MAP3K9: variants seen among roughly 807,000 people sequenced by gnomAD.
The protein encoded by MAP3K9 is mitogen-activated protein kinase kinase kinase 9, also known as mixed lineage kinase 1 (tyr and ser/thr specificity).
In MAP3K9, 46 loss-of-function variants were observed where a neutral mutation model predicts 95.8. The observed-to-expected ratio is 0.48, with a 90% CI of 0.38 to 0.61. MAP3K9 has a LOEUF of 0.61. Ranked by LOEUF, MAP3K9 falls within the 20% of genes least tolerant of loss-of-function variation. The pLI, the probability that MAP3K9 is intolerant of heterozygous loss-of-function variation, is 0.00. For missense variants in MAP3K9, 1,296 were observed against 1,474.3 expected (o/e 0.88, Z 1.98); for synonymous variants, 533 against 593.8 (o/e 0.90, Z 1.49).
chr14:70,785,168 C>G (rs1407818627), intron 2 of MAP3K9, among the ~76,000 whole-genome samples: 1 of 152,188 alleles, frequency 6.6e-6, no homozygotes, highest in Non-Finnish European at 1.5e-5. Flanking sequence ...CTCCCTGAGC[C>G]TCAGCTTCCT....
chr14:70,804,140 A>G (rs1238268375), intron 1 of MAP3K9, among the ~76,000 whole-genome samples: 1 of 152,182 alleles, frequency 6.6e-6, no homozygotes, highest in Non-Finnish European at 1.5e-5. Context: ...CTGATTCTGT[A>G]TGTTCCCAAT....
chr14:70,761,319 G>A (rs2054371752), intron 2 of MAP3K9, 137 bp from the exon 3 acceptor site: 1 of 689,666 alleles, frequency 1.4e-6, no homozygotes, highest in East Asian at 2.7e-5. Flanking sequence ...GATGGTCAGA[G>A]CCATCATTTC....
chr14:70,798,261 A>G (rs939597967), intron 2 of MAP3K9, among the ~76,000 whole-genome samples: 1 of 152,250 alleles, frequency 6.6e-6, no homozygotes, highest in African/African-American at 2.4e-5. Context: ...AACTTCATCA[A>G]GTAAACTATT....
At chr14:70,737,529 C>T (rs1021762227) in intron 8 of MAP3K9, among the ~76,000 whole-genome samples, 1 of 152,198 alleles carries the variant, frequency 6.6e-6, no homozygotes, top group African/African-American at 2.4e-5. Flanking sequence ...CACAAGCACA[C>T]TCCAGGCTCT....
At chr14:70,785,655 G>A (rs113301676) in intron 2 of MAP3K9, among the ~76,000 whole-genome samples, 103 of 152,224 alleles carry the variant, frequency 6.8e-4, no homozygotes, top group African/African-American at 1.7e-3. Context: ...TCAGAGGATC[G>A]TCTGCTTTGG....
chr14:70,764,998 A>G (rs1459858378), intron 2 of MAP3K9, among the ~76,000 whole-genome samples: 1 of 152,208 alleles, frequency 6.6e-6, no homozygotes, highest in Non-Finnish European at 1.5e-5. Context: ...AAAGTTAAAA[A>G]GTTACAGTAA....
At chr14:70,783,931 C>A (rs180975761) in intron 2 of MAP3K9, among the ~76,000 whole-genome samples, 8 of 152,316 alleles carry the variant, frequency 5.3e-5, no homozygotes, top group Admixed American at 4.6e-4. Context: ...TTTTTAAATT[C>A]CATAAACAAT....
intron 2 of MAP3K9, among the ~76,000 whole-genome samples, chr14:70,774,510 A>G (rs1272186940): frequency 6.6e-6 from 1 of 151,820 alleles, no homozygotes. Context: ...TAAAAATACA[A>G]AAATTAGCCA....
At chr14:70,763,538 T>C (rs1430929511) in intron 2 of MAP3K9, among the ~76,000 whole-genome samples, 1 of 151,958 alleles carries the variant, frequency 6.6e-6, no homozygotes, top group Non-Finnish European at 1.5e-5. Flanking sequence ...TATTTACTTT[T>C]TTTTTTTTTG....
chr14:70,742,911 T>TATATATATATATA (rs2054094808), intron 5 of MAP3K9, among the ~76,000 whole-genome samples: 39 of 143,056 alleles, frequency 2.7e-4, no homozygotes, highest in African/African-American at 9.1e-4. Context: ...TTATATATAT[T>TATATATATATATA]TATATATATA....
rs532277433 is a variant in MAP3K9 at position 70,731,667 on chromosome 14, G to A, written c.2831-803C>T. On this transcript the variant is annotated intron_variant, in intron 11 of 11. Transcript: ENST00000554752. ...CTCATCCATGTAATAAACATGTGACGGGAACAGAGCTAGGTATCAGAAGTC... is the reference window on the plus strand; with the variant it reads ...CTCATCCATGTAATAAACATGTGACAGGAACAGAGCTAGGTATCAGAAGTC... Among the ~76,000 whole-genome samples the A allele has an allele frequency of 5.0e-4, 76 of 152,264 alleles. 1 individual carries two copies. Among genetic ancestry groups the A allele is most frequent in the African/African-American group, 1.8e-3 (74 of 41,544 alleles).
Position 70,761,317 on chromosome 14 carries a change from G to C in MAP3K9, c.821-135C>G, listed in dbSNP as rs2054371710. Reference sequence around the variant, plus strand: ...TTTAGCTGCCATGGATTGATGGTCAGAGCCATCATTTCTTAAACACCTACA... The same window carrying C: ...TTTAGCTGCCATGGATTGATGGTCACAGCCATCATTTCTTAAACACCTACA... On this transcript the variant is annotated intron_variant, in intron 2 of 11. Transcript: ENST00000554752. 1.3e-5 allele frequency: 9 copies of C among 692,986 alleles called. No individual in the cohort carries two copies. The Admixed American group carries it at 2.3e-4, about 18-fold the overall frequency. 42.9% of individuals were successfully genotyped at this position (692,986 alleles called of 1,614,324 possible).
At chr14:70,774,739 C>G (rs1388491166) in intron 2 of MAP3K9, among the ~76,000 whole-genome samples, 1 of 151,954 alleles carries the variant, frequency 6.6e-6, no homozygotes, top group Non-Finnish European at 1.5e-5. Context: ...GTAATCCCAG[C>G]ACTGTGGGAG....
At position 70,777,528 on chromosome 14, in the gene MAP3K9, G is replaced by C. The variant is rs985708956; in HGVS notation, c.821-16346C>G. On this transcript the variant is annotated intron_variant, in intron 2 of 11. Transcript: ENST00000554752. ...CAGAGGGAATGGTTATTTTACAGAA[G>C]GAGGGTCTCCTTGCTCCATCACATC... Among the ~76,000 whole-genome samples the C allele has an allele frequency of 3.3e-5, 5 of 152,272 alleles. No homozygotes were observed. The South Asian group carries it at 1.0e-3, about 32-fold the overall frequency.
At chr14:70,761,296 G>A in intron 2 of MAP3K9, 114 bp from the exon 3 acceptor site, 2 of 807,016 alleles carry the variant, frequency 2.5e-6, no homozygotes, top group Non-Finnish European at 3.9e-6. Context: ...CCAGCATTTA[G>A]CTGCCATGGA....
At position 70,745,475 on chromosome 14, in the gene MAP3K9, C is replaced by T. The variant is rs141392550; in HGVS notation, c.1327-2884G>A. On this transcript the variant is annotated intron_variant, in intron 5 of 11. Coordinates refer to ENST00000554752, the MANE Select transcript of MAP3K9 (RefSeq NM_001284230.2). Reference sequence around the variant, plus strand: ...GAAAGAAGGCCGGCATGGTGTCTCACGCCTGTAATCCCAGCACTTTGGGAG... The same window carrying T: ...GAAAGAAGGCCGGCATGGTGTCTCATGCCTGTAATCCCAGCACTTTGGGAG... Among the ~76,000 whole-genome samples, 970 of 152,290 alleles carry T rather than the reference C, an allele frequency of 6.4e-3. 11 individuals are homozygous for T. Among genetic ancestry groups the T allele is most frequent in the African/African-American group, 0.021 (877 of 41,558 alleles).
At chr14:70,807,491 A>G (rs555188748) in intron 1 of MAP3K9, among the ~76,000 whole-genome samples, 3 of 152,364 alleles carry the variant, frequency 2.0e-5, no homozygotes, top group Non-Finnish European at 4.4e-5. Context: ...GTCTCAAAAA[A>G]ACAAAAAAAC....
Position 70,733,102 on chromosome 14 carries a change from C to A in MAP3K9, c.2267G>T (p.Cys756Phe). The A allele has an allele frequency of 6.2e-7, 1 of 1,614,138 alleles. No homozygotes were observed. Among genetic ancestry groups the A allele is most frequent in the Non-Finnish European group, 8.5e-7 (1 of 1,180,020 alleles). ...GCCTGTGGCTGCCAGAACAGCCCCA[C>A]AGCCGAGCAGAGCCACCTCGCAGCG... is the stretch of plus-strand genomic sequence containing the variant. ...HRRCEVALLG[C>F]GAVLAATGLG... Residue 756 changes from cysteine (C) to phenylalanine (F), a missense_variant, in exon 11 of 12, where the codon TGT (cysteine) becomes TTT (phenylalanine). Cys to Phe is a radical substitution (Grantham distance 205). Transcript: ENST00000554752.
chr14:70,746,203 T>C (rs1365555748), intron 5 of MAP3K9, among the ~76,000 whole-genome samples: 1 of 152,180 alleles, frequency 6.6e-6, no homozygotes, highest in Non-Finnish European at 1.5e-5. Context: ...TGGCTCTAAG[T>C]CACTCTCTTT....
Sources: allele counts gnomAD v4.1 joint callset (sites outside exome capture counted in the v4.1 genomes callset), GRCh38; gene constraint gnomAD v4.1.1; transcripts MANE v1.5; gene names NCBI Gene and HGNC (gene_info 2026-07-23, HGNC 2026-07-21).